CACNG3: variants seen among roughly 807,000 people sequenced by gnomAD.
CACNG3 encodes calcium voltage-gated channel auxiliary subunit gamma 3.
CACNG3 carries 3 observed loss-of-function variants against 28.5 expected under a neutral mutation model. That is an observed-to-expected ratio of 0.11 (90% CI 0.05 to 0.27). The LOEUF is 0.27. CACNG3 is among the 10% of genes least tolerant of loss of function. The pLI is 1.00. For missense variants in CACNG3, 236 were observed against 414.4 expected, an observed-to-expected ratio of 0.57 and a Z score of 3.74; for synonymous variants, 174 against 162.2, an observed-to-expected ratio of 1.07 and a Z score of -0.55.
chr16:24,351,757 A>AAGAG (rs201001313), intron 2 of CACNG3, among the ~76,000 whole-genome samples: 125,249 of 141,656 alleles, frequency 0.88, 55,326 homozygotes, highest in East Asian at 1. Flanking sequence ...GGAAGGAAGG[A>AAGAG]AGAGAGAGAG....
rs1281630768 is a variant in CACNG3 at position 24,354,862 on chromosome 16, A to G, written c.325A>G (p.Ile109Val). 2 of 1,612,094 alleles carry G rather than the reference A, an allele frequency of 1.2e-6. No individual in the cohort carries two copies. Among genetic ancestry groups the G allele is most frequent in the Non-Finnish European group, 1.7e-6 (2 of 1,180,010 alleles). Residue 109 changes from isoleucine to valine, a missense_variant, in exon 3 of 4, where the codon ATC (isoleucine) becomes GTC (valine). Physicochemically the swap from Ile to Val is conservative, Grantham distance 29. Coordinates refer to ENST00000005284, the MANE Select transcript of CACNG3 (RefSeq NM_006539.4). ...RAVRASSVFP[I>V]LSVTLLFFGG... ...TGTGAGGGCCTCCAGTGTCTTCCCC[A>G]TCCTCAGTGTCACGCTGCTGTTCTT...
chr16:24,342,612 TTA>T (rs1899806964), intron 1 of CACNG3, among the ~76,000 whole-genome samples: 1 of 152,218 alleles, frequency 6.6e-6, no homozygotes, highest in East Asian at 1.9e-4. Flanking sequence ...CTGAACTCTG[TTA>T]TAGTGGCATC....
intron 1 of CACNG3, among the ~76,000 whole-genome samples, chr16:24,323,611 G>A (rs1020510681): frequency 6.6e-6 from 1 of 152,206 alleles, no homozygotes; most frequent in Non-Finnish European, 1.5e-5. Context: ...AGTTGATACT[G>A]AGGTTGGATC....
At chr16:24,306,396 G>A (rs1899186060) in intron 1 of CACNG3, among the ~76,000 whole-genome samples, 2 of 152,200 alleles carry the variant, frequency 1.3e-5, no homozygotes, top group South Asian at 4.1e-4. Context: ...AGTTTCCTGT[G>A]CAAGAGTATG....
chr16:24,311,218 C>T (rs1188970209), intron 1 of CACNG3, among the ~76,000 whole-genome samples: 1 of 152,124 alleles, frequency 6.6e-6, no homozygotes. Context: ...GTGTAAGGTG[C>T]CATTAAAAAG....
At chr16:24,305,053 C>G (rs912709197) in intron 1 of CACNG3, among the ~76,000 whole-genome samples, 2 of 152,038 alleles carry the variant, frequency 1.3e-5, no homozygotes, top group Admixed American at 1.3e-4. Context: ...AGGGGCTTAA[C>G]TGTCAAATTT....
At chr16:24,285,410 T>C (rs1186087869) in intron 1 of CACNG3, among the ~76,000 whole-genome samples, 2 of 152,182 alleles carry the variant, frequency 1.3e-5, no homozygotes, top group Non-Finnish European at 2.9e-5. Context: ...CCCTACTCTA[T>C]TCTCACCCTG....
intron 1 of CACNG3, among the ~76,000 whole-genome samples, chr16:24,327,329 T>C (rs536806808): frequency 1.3e-5 from 2 of 148,654 alleles, no homozygotes; most frequent in South Asian, 4.3e-4. Flanking sequence ...GAGGGCAAAG[T>C]GAGAGGATCA....
chr16:24,274,206 A>C (rs1267043936), intron 1 of CACNG3, among the ~76,000 whole-genome samples: 3 of 150,668 alleles, frequency 2.0e-5, no homozygotes, highest in Non-Finnish European at 1.5e-5. Flanking sequence ...AAAAACAAAA[A>C]AAAAAAACTC....
chr16:24,313,242 C>T (rs573105056), intron 1 of CACNG3, among the ~76,000 whole-genome samples: 1 of 152,258 alleles, frequency 6.6e-6, no homozygotes, highest in East Asian at 1.9e-4. Flanking sequence ...TTATAGTGAA[C>T]TCCTTTATTT....
chr16:24,288,592 C>T (rs1416328635), intron 1 of CACNG3, among the ~76,000 whole-genome samples: 1 of 152,214 alleles, frequency 6.6e-6, no homozygotes, highest in Non-Finnish European at 1.5e-5. Context: ...TATCTACTGT[C>T]TTTTCCCCTT....
chr16:24,279,536 C>T (rs1273801905), intron 1 of CACNG3, among the ~76,000 whole-genome samples: 1 of 152,112 alleles, frequency 6.6e-6, no homozygotes, highest in Non-Finnish European at 1.5e-5. Context: ...AACTCCTGGG[C>T]TCAAGCAATC....
chr16:24,290,908 G>A (rs1387306696), intron 1 of CACNG3, among the ~76,000 whole-genome samples: 1 of 152,180 alleles, frequency 6.6e-6, no homozygotes, highest in Non-Finnish European at 1.5e-5. Flanking sequence ...TCCTTCCTAA[G>A]AGGATGATGT....
intron 1 of CACNG3, among the ~76,000 whole-genome samples, chr16:24,258,654 C>T (rs574145676): frequency 6.6e-6 from 1 of 152,148 alleles, no homozygotes; most frequent in Non-Finnish European, 1.5e-5. Context: ...TTCCATATTT[C>T]CCTTTCTTAT....
At chr16:24,359,401 G>A (rs1297110443) in intron 3 of CACNG3, among the ~76,000 whole-genome samples, 1 of 152,120 alleles carries the variant, frequency 6.6e-6, no homozygotes, top group Non-Finnish European at 1.5e-5. Context: ...ACACAGAGCT[G>A]GATGTGTCAA....
At chr16:24,285,865 A>G (rs1429837797) in intron 1 of CACNG3, among the ~76,000 whole-genome samples, 2 of 121,086 alleles carry the variant, frequency 1.7e-5, no homozygotes, top group African/African-American at 6.5e-5. Context: ...TTTTTTTGAG[A>G]TAGGGTCTCG....
intron 1 of CACNG3, among the ~76,000 whole-genome samples, chr16:24,303,564 CTT>C (rs1449088146): frequency 6.6e-6 from 1 of 151,854 alleles, no homozygotes; most frequent in Non-Finnish European, 1.5e-5. Context: ...CTCTCTATCT[CTT>C]TGCCTTGTTT....
intron 1 of CACNG3, among the ~76,000 whole-genome samples, chr16:24,305,072 A>C (rs1342236032): frequency 6.6e-6 from 1 of 152,114 alleles, no homozygotes; most frequent in African/African-American, 2.4e-5. Flanking sequence ...TTGAGTAACA[A>C]AAAAGGGATG....
intron 1 of CACNG3, among the ~76,000 whole-genome samples, chr16:24,289,185 C>G (rs1368169227): frequency 2.0e-5 from 3 of 152,076 alleles, no homozygotes; most frequent in African/African-American, 7.2e-5. Context: ...AAGAGCTTCC[C>G]CTCTCCTTCC....
Sources: gnomAD v4.1 joint callset for allele counts (sites outside exome capture counted in the v4.1 genomes callset) on GRCh38, gnomAD v4.1.1 for gene constraint, MANE v1.5 for transcripts, NCBI Gene and HGNC (gene_info 2026-07-23, HGNC 2026-07-21) for gene names.